The following PCDHGA8 variants were observed in gnomAD, a reference collection of about 807,000 sequenced individuals.
PCDHGA8 encodes protocadherin gamma-A8.
Under a neutral mutation model 59.2 loss-of-function variants are expected in PCDHGA8, and 45 were observed. That is an observed-to-expected ratio of 0.76 (90% CI 0.60 to 0.98). PCDHGA8 has a LOEUF of 0.98. Ranked by LOEUF, PCDHGA8 falls within the 50% of genes least tolerant of loss-of-function variation. The pLI, the probability that PCDHGA8 is intolerant of heterozygous loss-of-function variation, is 0.00. For missense variants in PCDHGA8, 1,257 were observed against 1,196.2 expected (o/e 1.05, Z -0.75); for synonymous variants, 531 against 519.0 (o/e 1.02, Z -0.32).
In PCDHGA8 at chr5:141,476,141, G is replaced by A. The variant is rs1011341002; in HGVS notation, c.2425-18666G>A. On this transcript the variant is annotated intron_variant, in intron 1 of 3. Coordinates refer to ENST00000398604, the MANE Select transcript of PCDHGA8 (RefSeq NM_032088.2). This position sits in a 1 kb window ranked among gnomAD's most constrained non-coding sequence, Gnocchi z 7.6. ...GATGGTCCCAGAGGCCTGGAGGAGCGGACTGGTAAGCACCGGGAGGGTAGT... is the reference window on the plus strand; with the variant it reads ...GATGGTCCCAGAGGCCTGGAGGAGCAGACTGGTAAGCACCGGGAGGGTAGT... 5.6e-6 allele frequency: 9 copies of A among 1,609,928 alleles called. No homozygotes were observed. Among genetic ancestry groups the A allele is most frequent in the Non-Finnish European group, 7.6e-6 (9 of 1,178,880 alleles).
intron 1 of PCDHGA8, among the ~76,000 whole-genome samples, chr5:141,488,497 C>CA (rs1415483796): frequency 4.6e-5 from 7 of 152,204 alleles, no homozygotes; most frequent in African/African-American, 1.7e-4. Flanking sequence ...CTGTAACACT[C>CA]ATTCCACATT....
chr5:141,408,337 G>T (rs1191967573), intron 1 of PCDHGA8: 3 of 1,613,954 alleles, frequency 1.9e-6, no homozygotes, highest in Non-Finnish European at 2.5e-6. Context: ...CCAAGGGCTC[G>T]GTGGTGGGGA....
chr5:141,409,990 C>A (rs377295503), intron 1 of PCDHGA8: 26 of 1,613,278 alleles, frequency 1.6e-5, no homozygotes, highest in Non-Finnish European at 2.2e-5. Flanking sequence ...CGGTGGACGC[C>A]GACTCGGGAC....
intron 1 of PCDHGA8, 125 bp downstream of exon 1, chr5:141,395,362 T>A: frequency 1.5e-6 from 2 of 1,294,628 alleles, no homozygotes; most frequent in Non-Finnish European, 1.0e-6. Context: ...AGTTTTGGGT[T>A]TATTTTGGTG....
In PCDHGA8 at chr5:141,511,236, C is replaced by T; in HGVS notation, c.*63C>T. 4 of 1,591,606 alleles carry T rather than the reference C, an allele frequency of 2.5e-6. No individual in the cohort carries two copies. Among genetic ancestry groups the T allele is most frequent in the Admixed American group, 3.6e-5 (2 of 56,022 alleles). ...CCCAACCAGCCCAGCTTCTCCTTAC[C>T]TGCACCCAGGCCTCAGAGTTTCAGG... On this transcript the variant is annotated 3_prime_UTR_variant, in exon 4 of 4. Transcript: ENST00000398604.
chr5:141,427,887 C>A (rs759734297), intron 1 of PCDHGA8: 2 of 1,565,908 alleles, frequency 1.3e-6, no homozygotes, highest in Admixed American at 1.7e-5. Flanking sequence ...GGCCCACGAC[C>A]AGGGCTCGCC....
In PCDHGA8 at chr5:141,485,308, A is replaced by G; in HGVS notation, c.2425-9499A>G. On this transcript the variant is annotated intron_variant, in intron 1 of 3. Coordinates refer to ENST00000398604, the MANE Select transcript of PCDHGA8 (RefSeq NM_032088.2). The surrounding 1 kb of genome is among the most constrained non-coding windows in gnomAD (Gnocchi z 5.7). ...AGGAGTCACAGGAAGGGACTTTTGTAGGGAATGTCGCTCAAGATTTCCTGC... is the reference window on the plus strand; with the variant it reads ...AGGAGTCACAGGAAGGGACTTTTGTGGGGAATGTCGCTCAAGATTTCCTGC... 6.2e-7 allele frequency: 1 copy of G among 1,614,112 alleles called. No individual in the cohort carries two copies. The highest frequency in any genetic ancestry group is 8.5e-7 in the Non-Finnish European group (1 of 1,179,996).
Position 141,395,191 on chromosome 5 carries a change from C to T in PCDHGA8, c.2378C>T (p.Thr793Ile), listed in dbSNP as rs781685191. ...EGCEKNDSLL[T>I]SVDFHEYKNE... ...TGTGAGAAAAATGATTCTTTGTTAA[C>T]ATCCGTAGATTTTCATGAATATAAG... is the stretch of plus-strand genomic sequence containing the variant. Residue 793 changes from threonine to isoleucine, a missense_variant, in exon 1 of 4, where the codon ACA becomes ATA. Transcript: ENST00000398604. 8 of 1,614,074 alleles carry T rather than the reference C, an allele frequency of 5.0e-6. 1 individual carries two copies. The South Asian group carries it at 7.7e-5, about 16-fold the overall frequency.
In PCDHGA8 at chr5:141,415,753, T is replaced by G. The variant is rs763784703; in HGVS notation, c.2424+20516T>G. On this transcript the variant is annotated intron_variant, in intron 1 of 3. Transcript: ENST00000398604. The stretch of plus-strand genomic sequence containing the variant: ...ATGTTTATTAAGGTTTTTTTTTTTT[T>G]TTTTTTTTTTTTTTTTTTTACTTTC... 6.3e-5 allele frequency: 87 copies of G among 1,381,374 alleles called. 1 individual carries two copies. The highest frequency in any genetic ancestry group is 3.3e-4 in the Admixed American group (10 of 29,906). 85.6% of individuals were successfully genotyped at this position (1,381,374 alleles called of 1,614,324 possible).
At chr5:141,436,318 CTG>C (rs1309397202) in intron 1 of PCDHGA8, among the ~76,000 whole-genome samples, 1 of 152,154 alleles carries the variant, frequency 6.6e-6, no homozygotes, top group Non-Finnish European at 1.5e-5. Flanking sequence ...ATAGTCAAGA[CTG>C]TTAGACCATA....
At position 141,431,869 on chromosome 5, in the gene PCDHGA8, T is replaced by C. The variant is rs140856757; in HGVS notation, c.2424+36632T>C. ...GAGGGACATTAATTGCCCTTTTAAA[T>C]GTAAATGACCAAGATTCTGAGGAAA... is the stretch of plus-strand genomic sequence containing the variant. On this transcript the variant is annotated intron_variant, in intron 1 of 3. Transcript: ENST00000398604. The surrounding 1 kb of genome is among the most constrained non-coding windows in gnomAD (Gnocchi z 4.8). 8.5e-4 allele frequency: 1,376 copies of C among 1,614,252 alleles called. 2 individuals carry two copies. Among genetic ancestry groups the C allele is most frequent in the Non-Finnish European group, 1.1e-3 (1,291 of 1,180,028 alleles).
chr5:141,415,579 A>G, intron 1 of PCDHGA8: 1 of 1,614,072 alleles, frequency 6.2e-7, no homozygotes, highest in East Asian at 2.2e-5. Flanking sequence ...AGATGATTCG[A>G]AGTTTCCTAT....
chr5:141,465,643 C>T (rs561758040), intron 1 of PCDHGA8, among the ~76,000 whole-genome samples: 2 of 152,306 alleles, frequency 1.3e-5, no homozygotes, highest in East Asian at 3.9e-4. Flanking sequence ...ATGCTTTGAA[C>T]ATCCCAAAAA....
chr5:141,433,042 G>T (rs752612411), intron 1 of PCDHGA8: 10 of 1,614,024 alleles, frequency 6.2e-6, no homozygotes, highest in East Asian at 4.5e-5. Flanking sequence ...CCCTCACCAC[G>T]GACTCGCGGA....
intron 1 of PCDHGA8, chr5:141,407,957 G>C (rs1166490050): frequency 1.5e-6 from 1 of 660,376 alleles, no homozygotes; most frequent in African/African-American, 1.8e-5. Flanking sequence ...GGCCAGTGCA[G>C]AGCAAGCGCT....
intron 1 of PCDHGA8, chr5:141,492,006 G>T (rs2099736069): frequency 7.8e-6 from 5 of 643,420 alleles, no homozygotes; most frequent in Non-Finnish European, 1.3e-5. Context: ...GGCGATTTCC[G>T]CGGGTGTCGG....
chr5:141,393,684 T>C lies in PCDHGA8; in HGVS notation c.871T>C (p.Leu291=), dbSNP rs1399508154. ...GAAAATTAATGAAAAACAAACTCCG[T>C]TATTCCAGCTTAATGAAAATACTGG... ...FRKINEKQTP[L]FQLNENTGEI... Residue 291 remains leucine (L), a synonymous_variant, in exon 1 of 4, where the codon TTA becomes CTA. Transcript: ENST00000398604. 9.9e-6 allele frequency: 16 copies of C among 1,613,904 alleles called. No homozygotes were observed. Among genetic ancestry groups the C allele is most frequent in the Non-Finnish European group, 1.3e-5 (15 of 1,179,902 alleles).
In PCDHGA8 at chr5:141,476,886, C is replaced by T; in HGVS notation, c.2425-17921C>T. ...TACCGGGCGCGCGTCCTGGAGGATG[C>T]ACCCTCCGGCACGCGCGTGGTACAA... On this transcript the variant is annotated intron_variant, in intron 1 of 3. Transcript: ENST00000398604. This position sits in a 1 kb window ranked among gnomAD's most constrained non-coding sequence, Gnocchi z 7.6. The T allele has an allele frequency of 9.9e-6, 16 of 1,613,924 alleles. No individual in the cohort carries two copies. Among genetic ancestry groups the T allele is most frequent in the Non-Finnish European group, 1.4e-5 (16 of 1,180,032 alleles).
At position 141,490,782 on chromosome 5, in the gene PCDHGA8, ACGGATCTTTGCC is replaced by A; in HGVS notation, c.2425-4023_2425-4012del. 6.2e-7 allele frequency: 1 copy of A among 1,614,054 alleles called. No individual in the cohort carries two copies. Among genetic ancestry groups the A allele is most frequent in the Non-Finnish European group, 8.5e-7 (1 of 1,179,952 alleles). ...TTGTGTATGTCAACCCAGAGGATGGACGGATCTTTGCCCAGCGTACCTTTGACTATGAATTGC... is the reference window on the plus strand; with the variant it reads ...TTGTGTATGTCAACCCAGAGGATGGACAGCGTACCTTTGACTATGAATTGC... On this transcript the variant is annotated intron_variant, in intron 1 of 3. Transcript: ENST00000398604. This position sits in a 1 kb window ranked among gnomAD's most constrained non-coding sequence, Gnocchi z 5.4.
Sources: allele counts gnomAD v4.1 joint callset (sites outside exome capture counted in the v4.1 genomes callset), GRCh38; gene constraint gnomAD v4.1.1; non-coding constraint Gnocchi (gnomAD v3.1); transcripts MANE v1.5; gene names NCBI Gene and HGNC (gene_info 2026-07-23, HGNC 2026-07-21).